BRAT1: variants seen among roughly 807,000 people sequenced by gnomAD.
BRAT1 encodes the protein integrator complex assembly factor BRAT1.
Under a neutral mutation model 70.6 loss-of-function variants are expected in BRAT1, and 74 were observed. The ratio of observed to expected loss-of-function variants is 1.05; its 90% CI spans 0.87 to 1.27. The LOEUF is 1.27. Ranked by LOEUF, BRAT1 falls within the 50% of genes most tolerant of loss-of-function variation. The probability of loss-of-function intolerance (pLI) is 0.00; values close to 1 mark genes in which losing one functional copy is unlikely to be tolerated. For missense variants in BRAT1, 1,203 were observed against 1,098.2 expected (o/e 1.10, Z -1.35); for synonymous variants, 615 against 517.1 (o/e 1.19, Z -2.57).
intron 12 of BRAT1, 83 bp from the exon 13 acceptor site, chr7:2,539,434 C>T (rs1007028345): frequency 1.3e-6 from 2 of 1,517,452 alleles, no homozygotes; most frequent in African/African-American, 2.8e-5. Flanking sequence ...CCCTTGTGGG[C>T]AGCCGACATG....
chr7:2,542,991 C>T lies in BRAT1; in HGVS notation c.923+213G>A, dbSNP rs1410690791. ...GCATCCTTCTCACCTCTGGGGATCT[C>T]GCAGAGCTTTGGTCTGAAACAATTA... On this transcript the variant is annotated intron_variant, in intron 6 of 13. Transcript: ENST00000340611. 9 of 478,424 alleles carry T rather than the reference C, an allele frequency of 1.9e-5. No homozygotes were observed. In the South Asian group the frequency reaches 2.0e-4, roughly 11 times the overall value. The allele number at this position is 478,424 out of a possible 1,614,324, so 29.6% of individuals were successfully genotyped here.
chr7:2,545,081 G>A, intron 3 of BRAT1, 25 bp from the exon 4 acceptor site: 3 of 1,468,472 alleles, frequency 2.0e-6, no homozygotes, highest in Non-Finnish European at 2.7e-6. Flanking sequence ...AAGAAGTGAG[G>A]GTGGCCAGGC....
At chr7:2,551,029 C>T (rs60865104) in intron 2 of BRAT1, among the ~76,000 whole-genome samples, 26,148 of 151,850 alleles carry the variant, frequency 0.17, 2,670 homozygotes, top group African/African-American at 0.28. Flanking sequence ...CACCTGAGGT[C>T]AGGAGTTCGA....
chr7:2,545,363 C>CAAAAAAAAAAAAAAAAAAA (rs1185029266), intron 3 of BRAT1, among the ~76,000 whole-genome samples: 3 of 25,132 alleles, frequency 1.2e-4, no homozygotes, highest in Non-Finnish European at 2.4e-4. Flanking sequence ...GACTCCATCT[C>CAAAAAAAAAAAAAAAAAAA]AAAAAAAAAA....
intron 12 of BRAT1, 54 bp from the exon 13 acceptor site, chr7:2,539,405 C>T (rs1271791224): frequency 2.6e-6 from 4 of 1,554,846 alleles, no homozygotes; most frequent in South Asian, 1.2e-5. Context: ...GCCTTGTCGC[C>T]TCGGCCTCTG....
Position 2,541,657 on chromosome 7 carries a change from G to A in BRAT1, c.1134+61C>T, listed in dbSNP as rs944269551. Reference sequence around the variant, plus strand: ...CAAGGGGTGGGGGGCGTCAGCCTACGTTGCGGTCCCACCGCCAGCGTGGAT... The same window carrying A: ...CAAGGGGTGGGGGGCGTCAGCCTACATTGCGGTCCCACCGCCAGCGTGGAT... On this transcript the variant is annotated intron_variant, in intron 8 of 13. Transcript: ENST00000340611. The A allele has an allele frequency of 1.8e-5, 28 of 1,529,948 alleles. No individual in the cohort carries two copies. In the African/African-American group the frequency reaches 3.5e-4, roughly 19 times the overall value. The allele number at this position is 1,529,948 out of a possible 1,614,324, so 94.8% of individuals were successfully genotyped here. A position where few individuals can be genotyped will look rare whatever the true frequency, so the allele number is the denominator to read the frequency against.
Position 2,538,459 on chromosome 7 carries a change from C to G in BRAT1, c.2076G>C (p.Leu692=), listed in dbSNP as rs779251772. 7 of 1,612,902 alleles carry G rather than the reference C, an allele frequency of 4.3e-6. No individual in the cohort carries two copies. The African/African-American group carries it at 9.3e-5, about 22-fold the overall frequency. Residue 692 remains leucine, a synonymous_variant, in exon 14 of 14, where the codon CTG becomes CTC. Transcript: ENST00000340611. ...VAPAQPLTEA[L]RALCHVGLFD... is the part of the protein sequence containing the mutation. ...AGAGCCCCACGTGGCAGAGAGCCCT[C>G]AGTGCCTCGGTGAGTGGCTGGGCTG... is the stretch of plus-strand genomic sequence containing the variant.
At position 2,540,960 on chromosome 7, in the gene BRAT1, T is replaced by C; in HGVS notation, c.1395+19A>G. The C allele has an allele frequency of 1.3e-6, 2 of 1,524,570 alleles. No individual in the cohort carries two copies. Among genetic ancestry groups the C allele is most frequent in the South Asian group, 2.6e-5 (2 of 76,120 alleles). 94.4% of individuals were successfully genotyped at this position (1,524,570 alleles called of 1,614,324 possible). On this transcript the variant is annotated intron_variant, in intron 10 of 13. Coordinates refer to ENST00000340611, the MANE Select transcript of BRAT1 (RefSeq NM_152743.4). ...CTCTGCCTCCCTCCTCTCCTCGCTC[T>C]CTATCCCCACCACCGTACCGTGGGG... is the stretch of plus-strand genomic sequence containing the variant.
chr7:2,541,392 G>A lies in BRAT1; in HGVS notation c.1227C>T (p.Ser409=). Residue 409 remains serine (S), a synonymous_variant, in exon 9 of 14, where the codon TCC becomes TCT. Coordinates refer to ENST00000340611, the MANE Select transcript of BRAT1 (RefSeq NM_152743.4). ...RLCDGSAAPA[S]SVGGHLCGTL... Reference sequence around the variant, plus strand: ...TCCCACAGAGGTGGCCCCCCACACTGGAGGCAGGGGCAGCCGAGCCGTCAC... The same window carrying A: ...TCCCACAGAGGTGGCCCCCCACACTAGAGGCAGGGGCAGCCGAGCCGTCAC... The A allele has an allele frequency of 6.2e-7, 1 of 1,605,510 alleles. No homozygotes were observed. The highest frequency in any genetic ancestry group is 8.5e-7 in the Non-Finnish European group (1 of 1,178,146).
intron 2 of BRAT1, among the ~76,000 whole-genome samples, chr7:2,551,256 TA>T (rs1258111201): frequency 7.4e-5 from 11 of 149,414 alleles, no homozygotes; most frequent in African/African-American, 2.7e-4. Flanking sequence ...AAAAAAAATC[TA>T]TATCTATATA....
chr7:2,542,240 G>A (rs1369121006), intron 6 of BRAT1, 29 bp from the exon 7 acceptor site: 9 of 1,525,328 alleles, frequency 5.9e-6, no homozygotes, highest in Middle Eastern at 1.7e-4. Flanking sequence ...TGAGTGCCGC[G>A]ACCCTGGCTG....
intron 1 of BRAT1, among the ~76,000 whole-genome samples, chr7:2,554,761 G>T (rs1381811078): frequency 3.9e-5 from 6 of 152,248 alleles, no homozygotes. Context: ...ACAGCGTGGT[G>T]CTGGCCCAGG....
chr7:2,546,876 T>C (rs1779646460), intron 3 of BRAT1, among the ~76,000 whole-genome samples: 1 of 152,206 alleles, frequency 6.6e-6, no homozygotes, highest in East Asian at 1.9e-4. Flanking sequence ...TGCGGTCTCA[T>C]TTGGTCCTCA....
chr7:2,541,747 G>C lies in BRAT1; in HGVS notation c.1105C>G (p.Leu369Val). 6.2e-7 allele frequency: 1 copy of C among 1,611,156 alleles called. No individual in the cohort carries two copies. Among genetic ancestry groups the C allele is most frequent in the Non-Finnish European group, 8.5e-7 (1 of 1,179,470 alleles). The change falls in exon 8 of 14, where the codon CTG (leucine) becomes GTG (valine). Residue 369 changes from leucine (L) to valine (V), a missense_variant. Physicochemically the swap from Leu to Val is conservative, Grantham distance 32. Coordinates refer to ENST00000340611, the MANE Select transcript of BRAT1 (RefSeq NM_152743.4). ...SSCAGLLCRT[L>V]AHLEELQPLP... ...GGCTGCAGCTCCTCCAGGTGAGCCAGGGTGCGGCACAGGAGGCCGGCGCAG... is the reference window on the plus strand; with the variant it reads ...GGCTGCAGCTCCTCCAGGTGAGCCACGGTGCGGCACAGGAGGCCGGCGCAG...
chr7:2,554,629 G>C (rs780496745), intron 1 of BRAT1, among the ~76,000 whole-genome samples, 182 bp from the exon 2 acceptor site: 8 of 152,244 alleles, frequency 5.3e-5, no homozygotes, highest in Non-Finnish European at 1.0e-4. Context: ...CAAAGCTTTG[G>C]TCTAGGTGGG....
At chr7:2,551,852 T>C (rs1302602636) in intron 2 of BRAT1, among the ~76,000 whole-genome samples, 2 of 150,884 alleles carry the variant, frequency 1.3e-5, no homozygotes, top group African/African-American at 4.9e-5. Context: ...ATTCAAAACA[T>C]ATGTTATGTT....
At chr7:2,551,276 T>C (rs1378439307) in intron 2 of BRAT1, among the ~76,000 whole-genome samples, 5 of 149,632 alleles carry the variant, frequency 3.3e-5, no homozygotes, top group Non-Finnish European at 7.4e-5. Flanking sequence ...TATATATCTA[T>C]ATATAGATAT....
chr7:2,550,977 C>T (rs1436179346), intron 2 of BRAT1, among the ~76,000 whole-genome samples: 1 of 152,118 alleles, frequency 6.6e-6, no homozygotes, highest in Admixed American at 6.6e-5. Context: ...CAGTGGCTCT[C>T]CACTGTAACC....
At chr7:2,542,305 C>A in intron 6 of BRAT1, 94 bp from the exon 7 acceptor site, 1 of 1,098,678 alleles carries the variant, frequency 9.1e-7, no homozygotes, top group Non-Finnish European at 1.4e-6. Flanking sequence ...GCAAATCAGC[C>A]AGGGGGTTGG....
Sources: gnomAD v4.1 joint callset for allele counts (sites outside exome capture counted in the v4.1 genomes callset) on GRCh38, gnomAD v4.1.1 for gene constraint, MANE v1.5 for transcripts, NCBI Gene and HGNC (gene_info 2026-07-23, HGNC 2026-07-21) for gene names.